Variants in RIMS2 observed in about 807,000 individuals in gnomAD.
RIMS2 encodes the protein regulating synaptic membrane exocytosis protein 2.
In RIMS2, 59 loss-of-function variants were observed where a neutral mutation model predicts 174.4. That is an observed-to-expected ratio of 0.34 (90% CI 0.27 to 0.42). The LOEUF is 0.42. Among genes scored for constraint, RIMS2 ranks in the 10% least tolerant of loss-of-function variants. The pLI is 1.00. For missense variants in RIMS2, 1,620 were observed against 1,666.3 expected (o/e 0.97, Z 0.48); for synonymous variants, 606 against 572.5 (o/e 1.06, Z -0.84).
At chr8:103,819,252 T>G in intron 3 of RIMS2, 2 of 1,295,392 alleles carry the variant, frequency 1.5e-6, no homozygotes, top group South Asian at 1.7e-5. Flanking sequence ...AAAAGCTTAC[T>G]GCTGTTTAGA....
chr8:103,989,953 C>T (rs2154550389), intron 17 of RIMS2, among the ~76,000 whole-genome samples: 1 of 152,154 alleles, frequency 6.6e-6, no homozygotes, highest in East Asian at 1.9e-4. Flanking sequence ...AGATTGTTTG[C>T]TGTATTTGGA....
intron 14 of RIMS2, among the ~76,000 whole-genome samples, chr8:103,945,673 A>G (rs2083551048): frequency 6.6e-6 from 1 of 152,152 alleles, no homozygotes; most frequent in Non-Finnish European, 1.5e-5. Flanking sequence ...TATTAACAGA[A>G]AAAAGAACAA....
chr8:103,573,342 G>A (rs1369724728), intron 1 of RIMS2, among the ~76,000 whole-genome samples: 2 of 152,090 alleles, frequency 1.3e-5, no homozygotes, highest in East Asian at 3.9e-4. Context: ...GGGGTTACAG[G>A]CATGAGCTAC....
chr8:103,963,412 ATAAACCTGAACTATCAAAAC>A (rs1271936201), intron 15 of RIMS2, among the ~76,000 whole-genome samples: 2 of 152,196 alleles, frequency 1.3e-5, no homozygotes, highest in African/African-American at 2.4e-5. Context: ...ATCATTCATA[ATAAACCTGAACTATCAAAAC>A]TGTTCTTAAG....
chr8:103,783,170 C>T (rs1478599132), intron 3 of RIMS2, among the ~76,000 whole-genome samples: 1 of 152,092 alleles, frequency 6.6e-6, no homozygotes, highest in Non-Finnish European at 1.5e-5. Context: ...GAATTCACTG[C>T]CTTGCACTTG....
intron 2 of RIMS2, among the ~76,000 whole-genome samples, chr8:103,723,737 T>A (rs892066498): frequency 1.3e-5 from 2 of 152,168 alleles, no homozygotes; most frequent in Admixed American, 1.3e-4. Flanking sequence ...TGGGACTTGC[T>A]TGGTCCCTGA....
rs544095157 is a variant in RIMS2, at chr8:104,206,185, G to A, written c.3335-38731G>A. Among the ~76,000 whole-genome samples, 4 of 152,140 alleles carry A rather than the reference G, an allele frequency of 2.6e-5. No homozygotes were observed. In the South Asian group the frequency reaches 8.3e-4, roughly 32 times the overall value. On this transcript the variant is annotated intron_variant, in intron 19 of 23. Coordinates refer to ENST00000504942, the Ensembl canonical transcript of RIMS2. Reference sequence around the variant, plus strand: ...CTGGTTTCTGTAATTGTCAAAGTTTGTTTTATCAAAAGTCACAGAGAGGGG... The same window carrying A: ...CTGGTTTCTGTAATTGTCAAAGTTTATTTTATCAAAAGTCACAGAGAGGGG...
intron 6 of RIMS2, 81 bp downstream of exon 9, chr8:103,912,253 G>C (rs1292836540): frequency 4.8e-6 from 5 of 1,045,540 alleles, no homozygotes; most frequent in Non-Finnish European, 6.9e-6. Flanking sequence ...CTTTCAACCT[G>C]TACCAATTTA....
intron 19 of RIMS2, among the ~76,000 whole-genome samples, chr8:104,052,920 A>G (rs2096810803): frequency 6.6e-6 from 1 of 152,206 alleles, no homozygotes; most frequent in Non-Finnish European, 1.5e-5. Context: ...CAGCTGAGAA[A>G]GATGAGCCGG....
At chr8:104,101,550 A>C (rs1277286960) in intron 19 of RIMS2, among the ~76,000 whole-genome samples, 1 of 151,942 alleles carries the variant, frequency 6.6e-6, no homozygotes, top group Non-Finnish European at 1.5e-5. Flanking sequence ...TTATTTTGAG[A>C]TACATATAGA....
rs1325057828 is a variant in RIMS2 at position 104,051,209 on chromosome 8, A to G, written c.3334+36594A>G. ...AGCCATAATTGCAGCGCTGCACTCC[A>G]GCCTGGATAATGCAGCAAGACCCTG... is the stretch of plus-strand genomic sequence containing the variant. On this transcript the variant is annotated intron_variant, in intron 19 of 23. Transcript: ENST00000504942. Among the ~76,000 whole-genome samples the G allele has an allele frequency of 1.3e-4, 20 of 152,256 alleles. No individual in the cohort carries two copies. In the East Asian group the frequency reaches 3.1e-3, roughly 23 times the overall value.
At chr8:103,850,534 G>T (rs932275363) in intron 3 of RIMS2, among the ~76,000 whole-genome samples, 3 of 152,000 alleles carry the variant, frequency 2.0e-5, no homozygotes, top group Admixed American at 1.3e-4. Context: ...CTTGGTGCCT[G>T]TTTAGTTCTC....
chr8:103,878,452 T>C (rs771277946), intron 3 of RIMS2, among the ~76,000 whole-genome samples: 2 of 151,862 alleles, frequency 1.3e-5, no homozygotes, highest in Non-Finnish European at 2.9e-5. Context: ...CTTCTTGATA[T>C]GCTATTAAGT....
At chr8:104,061,736 A>G (rs2096994919) in intron 19 of RIMS2, among the ~76,000 whole-genome samples, 1 of 151,804 alleles carries the variant, frequency 6.6e-6, no homozygotes, top group African/African-American at 2.4e-5. Flanking sequence ...ATATGAACAC[A>G]TATGTACAAC....
intron 1 of RIMS2, among the ~76,000 whole-genome samples, chr8:103,552,591 A>T (rs928125317): frequency 4.6e-5 from 7 of 152,290 alleles, no homozygotes; most frequent in East Asian, 1.9e-4. Flanking sequence ...AAGCCAAAAT[A>T]GACAAATGGG....
chr8:104,213,419 A>G (rs2099114261), intron 19 of RIMS2, among the ~76,000 whole-genome samples: 1 of 152,198 alleles, frequency 6.6e-6, no homozygotes, highest in African/African-American at 2.4e-5. Flanking sequence ...AACAATAATT[A>G]TGAGTTAATT....
intron 1 of RIMS2, among the ~76,000 whole-genome samples, chr8:103,681,909 C>T (rs937635284): frequency 4.0e-5 from 6 of 151,828 alleles, no homozygotes; most frequent in Non-Finnish European, 5.9e-5. Flanking sequence ...GTATTGGCAG[C>T]ATATAATGGA....
chr8:103,750,671 A>G (rs2097877141), intron 2 of RIMS2, among the ~76,000 whole-genome samples: 1 of 152,022 alleles, frequency 6.6e-6, no homozygotes, highest in Non-Finnish European at 1.5e-5. Context: ...GAGTCTCAGG[A>G]GATCTGATGG....
At chr8:104,019,714 A>G (rs2096035166) in intron 19 of RIMS2, among the ~76,000 whole-genome samples, 1 of 152,074 alleles carries the variant, frequency 6.6e-6, no homozygotes, top group African/African-American at 2.4e-5. Flanking sequence ...CCCTTCTTCC[A>G]TTTTCCTGCA....
Sources: gnomAD v4.1 joint callset for allele counts (sites outside exome capture counted in the v4.1 genomes callset) on GRCh38, gnomAD v4.1.1 for gene constraint, MANE v1.5 for transcripts, NCBI Gene and HGNC (gene_info 2026-07-23, HGNC 2026-07-21) for gene names.